Variants in TBC1D16 observed in about 807,000 individuals in gnomAD.
TBC1D16 encodes TBC1 domain family member 16.
Under a neutral mutation model 74.7 loss-of-function variants are expected in TBC1D16, and 58 were observed. The ratio of observed to expected loss-of-function variants is 0.78; its 90% CI spans 0.63 to 0.97. TBC1D16 has a LOEUF of 0.97. Ranked by LOEUF, TBC1D16 falls within the 50% of genes least tolerant of loss-of-function variation. TBC1D16 has a pLI of 0.00. For missense variants in TBC1D16, 1,014 were observed against 1,079.5 expected, an observed-to-expected ratio of 0.94 and a Z score of 0.85; for synonymous variants, 493 against 474.7, an observed-to-expected ratio of 1.04 and a Z score of -0.50.
intron 1 of TBC1D16, among the ~76,000 whole-genome samples, chr17:80,031,252 G>C (rs1013332581): frequency 2.0e-5 from 3 of 152,324 alleles, no homozygotes; most frequent in East Asian, 3.9e-4. Flanking sequence ...ATTTCTCCTC[G>C]CAGCTGCGCT....
chr17:80,031,383 C>T (rs976242788), intron 1 of TBC1D16, among the ~76,000 whole-genome samples: 5 of 152,142 alleles, frequency 3.3e-5, no homozygotes, highest in African/African-American at 7.2e-5. Flanking sequence ...GAAGCGAGAA[C>T]GGGACATCAA....
At position 79,975,713 on chromosome 17, in the gene TBC1D16, G is replaced by A. The variant is rs765676177; in HGVS notation, c.780-22895C>T. ...ACTGTGCACAGCTTCGGGACCCCCA[G>A]CCAGCCCAAACCTGTCGCTGGCTGC... is the stretch of plus-strand genomic sequence containing the variant. On this transcript the variant is annotated intron_variant, in intron 3 of 11. Coordinates refer to ENST00000310924, the MANE Select transcript of TBC1D16 (RefSeq NM_019020.4). The surrounding 1 kb of genome is among the most constrained non-coding windows in gnomAD (Gnocchi z 4.5). Among the ~76,000 whole-genome samples the A allele has an allele frequency of 1.3e-5, 2 of 152,196 alleles. No individual in the cohort carries two copies. Among genetic ancestry groups the A allele is most frequent in the African/African-American group, 2.4e-5 (1 of 41,450 alleles).
intron 3 of TBC1D16, among the ~76,000 whole-genome samples, chr17:79,960,852 A>G (rs2033584258): frequency 7.4e-6 from 1 of 134,774 alleles, no homozygotes; most frequent in African/African-American, 2.8e-5. Context: ...CCAGGAGGCG[A>G]GCAACAGAAC....
intron 10 of TBC1D16, among the ~76,000 whole-genome samples, chr17:79,942,433 CTG>C (rs1008408633): frequency 4.0e-5 from 6 of 149,310 alleles, no homozygotes; most frequent in African/African-American, 1.2e-4. Flanking sequence ...GCCCAGGCTG[CTG>C]TGACATCCAG....
At chr17:80,024,508 G>GGCAC (rs2036446173) in intron 1 of TBC1D16, among the ~76,000 whole-genome samples, 2 of 118,358 alleles carry the variant, frequency 1.7e-5, no homozygotes, top group Non-Finnish European at 1.7e-5. Flanking sequence ...ACGCACCATA[G>GGCAC]ACAAACCACG....
Position 80,010,669 on chromosome 17 carries a change from C to T in TBC1D16, c.270G>A (p.Gln90=), listed in dbSNP as rs376202586. The T allele has an allele frequency of 5.8e-4, 889 of 1,533,836 alleles. 12 individuals are homozygous for T. The South Asian group carries it at 0.01, about 18-fold the overall frequency. The change falls in exon 3 of 12, where the codon CAG becomes CAA. Residue 90 remains glutamine (Q), a synonymous_variant. Transcript: ENST00000310924. The surrounding 1 kb of genome is among the most constrained non-coding windows in gnomAD (Gnocchi z 8.8). ...AWVPNSRIQR[Q]DEEALRYITP... is the part of the protein sequence containing the mutation. The stretch of plus-strand genomic sequence containing the variant: ...TGATGTAGCGCAGGGCCTCCTCGTC[C>T]TGCCTCTGGATGCGAGAGTTGGGGA...
intron 3 of TBC1D16, among the ~76,000 whole-genome samples, chr17:79,958,354 G>A (rs1290719757): frequency 6.6e-6 from 1 of 151,876 alleles, no homozygotes; most frequent in African/African-American, 2.4e-5. Context: ...CGAGTAGCTG[G>A]GATTACAGGC....
In TBC1D16 at chr17:80,010,063, G is replaced by A. The variant is rs1311777314; in HGVS notation, c.779+97C>T. On this transcript the variant is annotated intron_variant, in intron 3 of 11. Transcript: ENST00000310924. The surrounding 1 kb of genome is among the most constrained non-coding windows in gnomAD (Gnocchi z 8.8). ...GGCAGGTCGGGCAGATGCCTCCAGC[G>A]CTCACCTGGCATCACAGGTGACGCA... The A allele has an allele frequency of 1.7e-5, 18 of 1,063,090 alleles. No individual in the cohort carries two copies. The highest frequency in any genetic ancestry group is 2.4e-5 in the Non-Finnish European group (18 of 745,564). The allele number at this position is 1,063,090 out of a possible 1,614,324, so 65.9% of individuals were successfully genotyped here.
At chr17:79,951,250 G>A (rs995471938) in intron 5 of TBC1D16, among the ~76,000 whole-genome samples, 200 bp downstream of exon 5, 4 of 152,204 alleles carry the variant, frequency 2.6e-5, no homozygotes, top group African/African-American at 9.7e-5. Flanking sequence ...TCAAGTGCAG[G>A]GCACTGACTT....
At chr17:80,024,506 T>G (rs1196406511) in intron 1 of TBC1D16, among the ~76,000 whole-genome samples, 1 of 119,002 alleles carries the variant, frequency 8.4e-6, no homozygotes, top group Non-Finnish European at 1.6e-5. Context: ...ACACGCACCA[T>G]AGACAAACCA....
At chr17:80,016,703 A>G (rs12951205) in intron 1 of TBC1D16, among the ~76,000 whole-genome samples, 108,455 of 151,922 alleles carry the variant, frequency 0.71, 39,009 homozygotes, top group African/African-American at 0.78. Context: ...GATGGCCACC[A>G]TCCCAGGACC....
intron 3 of TBC1D16, among the ~76,000 whole-genome samples, chr17:79,970,699 C>T (rs1568599059): frequency 1.3e-5 from 2 of 152,142 alleles, no homozygotes; most frequent in South Asian, 4.1e-4. Context: ...AGGGGCTGGG[C>T]ACGGCCACTC....
rs1298102075 is a variant in TBC1D16 at position 79,950,315 on chromosome 17, G to C, written c.1257+96C>G. On this transcript the variant is annotated intron_variant, in intron 6 of 11. Coordinates refer to ENST00000310924, the MANE Select transcript of TBC1D16 (RefSeq NM_019020.4). This position sits in a 1 kb window ranked among gnomAD's most constrained non-coding sequence, Gnocchi z 4.6. The stretch of plus-strand genomic sequence containing the variant: ...TCACGAGGAGGTGGCCCGTGGGTGC[G>C]GGCGGGCGGCCAGGCCCCGGCCCTC... The C allele has an allele frequency of 4.3e-6, 6 of 1,399,786 alleles. No homozygotes were observed. Among genetic ancestry groups the C allele is most frequent in the Non-Finnish European group, 5.7e-6 (6 of 1,061,226 alleles). 86.7% of individuals were successfully genotyped at this position (1,399,786 alleles called of 1,614,324 possible).
At chr17:79,952,512 G>T in intron 4 of TBC1D16, 145 bp downstream of exon 4, 1 of 1,047,074 alleles carries the variant, frequency 9.6e-7, no homozygotes, top group Non-Finnish European at 1.3e-6. Flanking sequence ...CACAAGATCA[G>T]CGAGGGAGGA....
In TBC1D16 at chr17:80,007,974, C is replaced by T. The variant is rs2035741130; in HGVS notation, c.779+2186G>A. 6.6e-6 allele frequency among the ~76,000 whole-genome samples: 1 copy of T among 151,876 alleles called. No homozygotes were observed. Among genetic ancestry groups the T allele is most frequent in the African/African-American group, 2.4e-5 (1 of 41,336 alleles). ...CTTCCAGAGTGAGTGCACAGCACGC[C>T]TGTCCGCTGCCCACTGATGCCAATA... On this transcript the variant is annotated intron_variant, in intron 3 of 11. Transcript: ENST00000310924. This position sits in a 1 kb window ranked among gnomAD's most constrained non-coding sequence, Gnocchi z 4.5.
chr17:80,026,656 A>G (rs932044988), intron 1 of TBC1D16, among the ~76,000 whole-genome samples: 11 of 149,784 alleles, frequency 7.3e-5, no homozygotes, highest in Admixed American at 6.6e-4. Flanking sequence ...CGGCAGCCCA[A>G]GTTGTCTGAT....
rs1166818793 is a variant in TBC1D16 at position 79,990,254 on chromosome 17, C to T, written c.779+19906G>A. Among the ~76,000 whole-genome samples, 1 of 152,330 alleles carries T rather than the reference C, an allele frequency of 6.6e-6. No individual in the cohort carries two copies. The highest frequency in any genetic ancestry group is 1.9e-4 in the East Asian group (1 of 5,186). On this transcript the variant is annotated intron_variant, in intron 3 of 11. Coordinates refer to ENST00000310924, the MANE Select transcript of TBC1D16 (RefSeq NM_019020.4). The surrounding 1 kb of genome is among the most constrained non-coding windows in gnomAD (Gnocchi z 4.8). Reference sequence around the variant, plus strand: ...AGCCGTAGCCCTCACAAGGCGTGTGCGGTGACGGGTCTCGGGCGCCCAGCC... The same window carrying T: ...AGCCGTAGCCCTCACAAGGCGTGTGTGGTGACGGGTCTCGGGCGCCCAGCC...
chr17:79,935,446 C>T lies in TBC1D16; in HGVS notation c.*5413G>A, dbSNP rs913940204. On this transcript the variant is annotated 3_prime_UTR_variant, in exon 12 of 12. Coordinates refer to ENST00000310924, the MANE Select transcript of TBC1D16 (RefSeq NM_019020.4). ...CCCAGGACCCTCAGTCCCCACAGCC[C>T]CCATCCAGCTCTCTTTTACACCTTC... The T allele has an allele frequency of 6.6e-6, 1 of 152,322 alleles. No individual in the cohort carries two copies. Among genetic ancestry groups the T allele is most frequent in the African/African-American group, 2.4e-5 (1 of 41,474 alleles). 9.4% of individuals were successfully genotyped at this position (152,322 alleles called of 1,614,324 possible). A position where few individuals can be genotyped will look rare whatever the true frequency, so the allele number is the denominator to read the frequency against.
chr17:79,984,560 A>AAGAGAG (rs1555877045), intron 3 of TBC1D16, among the ~76,000 whole-genome samples: 4 of 132,672 alleles, frequency 3.0e-5, no homozygotes, highest in Admixed American at 2.3e-4. Context: ...AAAAGAAAGA[A>AAGAGAG]AGAGAGAGAG....
Sources: allele counts gnomAD v4.1 joint callset (sites outside exome capture counted in the v4.1 genomes callset), GRCh38; gene constraint gnomAD v4.1.1; non-coding constraint Gnocchi (gnomAD v3.1); transcripts MANE v1.5; gene names NCBI Gene and HGNC (gene_info 2026-07-23, HGNC 2026-07-21).